IGSF11: variants seen among roughly 807,000 people sequenced by gnomAD.
IGSF11 encodes the protein CXADR like 1.
A neutral mutation model predicts 41.0 loss-of-function variants in IGSF11; 22 were observed. That is an observed-to-expected ratio of 0.54 (90% CI 0.38 to 0.77). The LOEUF is 0.77. Among genes scored for constraint, IGSF11 ranks in the 30% least tolerant of loss-of-function variants. IGSF11 has a pLI of 0.00. For synonymous variants in IGSF11, 219 were observed against 201.3 expected, an observed-to-expected ratio of 1.09 and a Z score of -0.74; for missense variants, 444 against 530.8, an observed-to-expected ratio of 0.84 and a Z score of 1.61.
chr3:119,057,837 A>G (rs1031824592), intron 1 of IGSF11, among the ~76,000 whole-genome samples: 1 of 152,226 alleles, frequency 6.6e-6, no homozygotes, highest in Non-Finnish European at 1.5e-5. Flanking sequence ...CAACTATCTG[A>G]TCTTTGACAA....
intron 1 of IGSF11, among the ~76,000 whole-genome samples, chr3:118,933,079 G>A (rs1232189426): frequency 6.6e-6 from 1 of 152,248 alleles, no homozygotes; most frequent in Non-Finnish European, 1.5e-5. Flanking sequence ...AGCAGAAGTT[G>A]TGAAAGGCCA....
chr3:119,036,379 A>G (rs776702133), upstream of IGSF11, among the ~76,000 whole-genome samples: 4 of 152,124 alleles, frequency 2.6e-5, no homozygotes, highest in Non-Finnish European at 2.9e-5. Context: ...ATCCAATTCA[A>G]TCCCTCACCC....
At chr3:118,994,962 G>A (rs1036379856) in intron 1 of IGSF11, among the ~76,000 whole-genome samples, 3 of 152,130 alleles carry the variant, frequency 2.0e-5, no homozygotes, top group African/African-American at 7.2e-5. Flanking sequence ...AATGAAAAGG[G>A]GTTATGTAAT....
rs187671972 is a variant in IGSF11, at chr3:119,129,829, T to G, written c.-14+15984A>C. 2.2e-3 allele frequency among the ~76,000 whole-genome samples: 333 copies of G among 151,974 alleles called. 1 individual carries two copies. Among genetic ancestry groups the G allele is most frequent in the African/African-American group, 7.4e-3 (308 of 41,448 alleles). ...GTGAGACACTGTCTCTGAAAAGAATTTAAAAATTAGCCAGGTGTGGTGGCA... is the reference window on the plus strand; with the variant it reads ...GTGAGACACTGTCTCTGAAAAGAATGTAAAAATTAGCCAGGTGTGGTGGCA... On this transcript the variant is annotated intron_variant, in intron 1 of 7. Transcript: ENST00000425327.
chr3:118,912,620 G>C (rs1940470293), intron 4 of IGSF11, among the ~76,000 whole-genome samples: 1 of 152,092 alleles, frequency 6.6e-6, no homozygotes, highest in South Asian at 2.1e-4. Flanking sequence ...CTACAGCTTA[G>C]AGAAACTATA....
chr3:119,059,711 G>A (rs1288039080), intron 1 of IGSF11, among the ~76,000 whole-genome samples: 2 of 151,352 alleles, frequency 1.3e-5, no homozygotes, highest in African/African-American at 2.4e-5. Flanking sequence ...GACCTTCTTC[G>A]AATGTTCAGA....
intron 4 of IGSF11, among the ~76,000 whole-genome samples, chr3:118,919,216 A>G (rs1223076632): frequency 3.0e-5 from 4 of 134,300 alleles, no homozygotes; most frequent in South Asian, 2.7e-4. Flanking sequence ...CTTCATGTCC[A>G]AAACACCAAA....
At chr3:118,967,612 A>C (rs911713044) in intron 1 of IGSF11, among the ~76,000 whole-genome samples, 1 of 152,124 alleles carries the variant, frequency 6.6e-6, no homozygotes, top group African/African-American at 2.4e-5. Context: ...TAGGAATTCA[A>C]CTTAGAAATT....
At chr3:119,065,149 A>C (rs941127176) in intron 1 of IGSF11, among the ~76,000 whole-genome samples, 3 of 152,230 alleles carry the variant, frequency 2.0e-5, no homozygotes, top group Non-Finnish European at 4.4e-5. Context: ...ATTTTAATAG[A>C]TATATTTATC....
intron 1 of IGSF11, chr3:118,948,177 T>C (rs1250664238): frequency 2.6e-5 from 4 of 152,382 alleles, no homozygotes; most frequent in African/African-American, 7.2e-5. Context: ...AAACGCACTG[T>C]GTCTTTCTTG....
At position 119,091,073 on chromosome 3, in the gene IGSF11, G is replaced by C. The variant is rs138966683; in HGVS notation, c.49+14071C>G. ...CATGAATAGACACTTCTCAAAAGAAGACAAACAAGTGGCCAAAAAACATGA... is the reference window on the plus strand; with the variant it reads ...CATGAATAGACACTTCTCAAAAGAACACAAACAAGTGGCCAAAAAACATGA... On this transcript the variant is annotated intron_variant, in intron 1 of 6. Coordinates refer to the IGSF11 transcript ENST00000354673. Among the ~76,000 whole-genome samples, 336 of 152,162 alleles carry C rather than the reference G, an allele frequency of 2.2e-3. 3 individuals are homozygous for C. The highest frequency in any genetic ancestry group is 7.4e-3 in the African/African-American group (308 of 41,528).
chr3:119,034,610 TCC>T lies in IGSF11; in HGVS notation c.-30_-29del. ...CGGGGCCGCAGGGAGCGCGCCTGCC[TCC>T]TACCCGGCTCCCGGTCGCAACAGGA... On this transcript the variant is annotated 5_prime_UTR_variant, in exon 1 of 7. Transcript: ENST00000393775. The T allele has an allele frequency of 3.2e-6, 5 of 1,569,148 alleles. No homozygotes were observed. Among genetic ancestry groups the T allele is most frequent in the Non-Finnish European group, 4.3e-6 (5 of 1,159,194 alleles).
intron 1 of IGSF11, among the ~76,000 whole-genome samples, chr3:119,047,146 CTAT>C (rs1230163462): frequency 6.6e-6 from 1 of 150,752 alleles, no homozygotes; most frequent in Non-Finnish European, 1.5e-5. Context: ...ACACATAACA[CTAT>C]TAACTTCAAA....
At chr3:119,067,391 C>T (rs1942265361) in intron 1 of IGSF11, among the ~76,000 whole-genome samples, 1 of 152,168 alleles carries the variant, frequency 6.6e-6, no homozygotes. Flanking sequence ...TCCAGCTCTG[C>T]CCTTCCAAGG....
chr3:119,063,454 A>G (rs904591896), intron 1 of IGSF11, among the ~76,000 whole-genome samples: 4 of 152,194 alleles, frequency 2.6e-5, no homozygotes, highest in Admixed American at 2.6e-4. Flanking sequence ...AGGACAAGCC[A>G]TGAGGGGTTT....
At position 118,952,407 on chromosome 3, in the gene IGSF11, A is replaced by G. The variant is rs141962926; in HGVS notation, c.53-22132T>C. 1.0e-3 allele frequency among the ~76,000 whole-genome samples: 159 copies of G among 152,262 alleles called. 1 individual carries two copies. Among genetic ancestry groups the G allele is most frequent in the African/African-American group, 3.6e-3 (151 of 41,560 alleles). On this transcript the variant is annotated intron_variant, in intron 1 of 6. Coordinates refer to ENST00000393775, the MANE Select transcript of IGSF11 (RefSeq NM_001015887.3). ...AGAAACTCTTTCAAAATTGGAGTCA[A>G]TCCTCTCAAATCCTGCTATTATCAT...
intron 1 of IGSF11, among the ~76,000 whole-genome samples, chr3:118,981,293 C>T (rs1934687005): frequency 6.6e-6 from 1 of 152,162 alleles, no homozygotes; most frequent in African/African-American, 2.4e-5. Flanking sequence ...CTTCAGCCTC[C>T]CAAGTAGCTG....
chr3:118,989,446 G>A (rs1319342308), intron 1 of IGSF11, among the ~76,000 whole-genome samples: 2 of 151,986 alleles, frequency 1.3e-5, no homozygotes, highest in African/African-American at 4.8e-5. Context: ...TCCGCCTCGC[G>A]GGTTCACGCC....
chr3:119,076,237 T>C (rs1014367660), intron 1 of IGSF11, among the ~76,000 whole-genome samples: 9 of 152,190 alleles, frequency 5.9e-5, no homozygotes, highest in Non-Finnish European at 1.3e-4. Flanking sequence ...GATCCCTTCC[T>C]TACACCTTAT....
Sources: allele counts gnomAD v4.1 joint callset (sites outside exome capture counted in the v4.1 genomes callset), GRCh38; gene constraint gnomAD v4.1.1; transcripts MANE v1.5; gene names NCBI Gene and HGNC (gene_info 2026-07-23, HGNC 2026-07-21).